GALNT5: variants seen among roughly 807,000 people sequenced by gnomAD.
The protein encoded by GALNT5 is UDP-GalNAc:polypeptide N-acetylgalactosaminyltransferase 5.
GALNT5 carries 72 observed loss-of-function variants against 85.4 expected under a neutral mutation model. The observed-to-expected ratio is 0.84, with a 90% confidence interval of 0.70 to 1.03. The LOEUF (loss-of-function observed/expected upper bound fraction) is 1.03, where lower values mean the gene tolerates loss of function less well. Among genes scored for constraint, GALNT5 ranks in the 50% least tolerant of loss-of-function variants. The pLI, the probability that GALNT5 is intolerant of heterozygous loss-of-function variation, is 0.00. For missense variants in GALNT5, 1,137 were observed against 1,135.5 expected (o/e 1.00, Z -0.02); for synonymous variants, 404 against 397.0 (o/e 1.02, Z -0.21).
Position 157,300,702 on chromosome 2 carries a change from G to A in GALNT5, c.2142G>A (p.Glu714=). ...TGTGGATGTGTGGTGGTGAAATTGA[G>A]ATCATTCCCTGCTCCCGAGTGGGCC... The part of the protein sequence containing the change: ...FKVWMCGGEI[E]IIPCSRVGHI... Residue 714 remains glutamate, a synonymous_variant, in exon 7 of 10, where the codon GAG becomes GAA. Coordinates refer to ENST00000259056, the MANE Select transcript of GALNT5 (RefSeq NM_014568.3). 2 of 1,613,302 alleles carry A rather than the reference G, an allele frequency of 1.2e-6. No individual in the cohort carries two copies. The highest frequency in any genetic ancestry group is 1.7e-6 in the Non-Finnish European group (2 of 1,179,386).
At position 157,259,191 on chromosome 2, in the gene GALNT5, C is replaced by A. The variant is rs1272470084; in HGVS notation, c.1109C>A (p.Ser370Ter). 1.9e-6 allele frequency: 3 copies of A among 1,552,942 alleles called. No homozygotes were observed. Among genetic ancestry groups the A allele is most frequent in the Non-Finnish European group, 2.6e-6 (3 of 1,154,226 alleles). Residue 370 changes from serine (S) to a stop codon, truncating the protein, a stop_gained, in exon 1 of 10, where the codon TCA becomes TAA. Coordinates refer to ENST00000259056, the MANE Select transcript of GALNT5 (RefSeq NM_014568.3). LOFTEE classifies it high-confidence loss of function. ...AATAGAAGTGAGATGTCTTCCTCTT[C>A]ACTTGCTCCACATAGAGTGCCACTG... ...SRNRSEMSSS[S>*]LAPHRVPLSQ...
rs755992262 is a variant in GALNT5, at chr2:157,286,064, T to G, written c.1671T>G (p.Val557=). The G allele has an allele frequency of 1.2e-6, 2 of 1,609,352 alleles. No homozygotes were observed. The highest frequency in any genetic ancestry group is 3.3e-5 in the Admixed American group (2 of 60,030). Residue 557 remains valine (V), a synonymous_variant, in exon 3 of 10, where the codon GTT becomes GTG. Transcript: ENST00000259056. ...LDKYMSQFPK[V]RILRLKERHG... ...AATACATGTCCCAGTTTCCAAAAGTTCGGATTCTTCGCCTCAAAGAGAGAC... is the reference window on the plus strand; with the variant it reads ...AATACATGTCCCAGTTTCCAAAAGTGCGGATTCTTCGCCTCAAAGAGAGAC...
Position 157,257,861 on chromosome 2 carries a change from GC to G in GALNT5, c.-221del. ...TCAGAACTTAGCCAGGGCCAGCCAA[GC>G]AGGCACAGATGCTCTGCTATGAAAT... is the stretch of plus-strand genomic sequence containing the variant. On this transcript the variant is annotated 5_prime_UTR_variant, in exon 1 of 10. Transcript: ENST00000259056. 1.7e-6 allele frequency: 1 copy of G among 573,282 alleles called. No individual in the cohort carries two copies. Among genetic ancestry groups the G allele is most frequent in the Non-Finnish European group, 3.1e-6 (1 of 321,108 alleles). The allele number at this position is 573,282 out of a possible 1,614,324, so 35.5% of individuals were successfully genotyped here.
At chr2:157,285,849 C>A (rs1278904550) in intron 2 of GALNT5, among the ~76,000 whole-genome samples, 166 bp from the exon 3 acceptor site, 2 of 152,096 alleles carry the variant, frequency 1.3e-5, no homozygotes, top group Non-Finnish European at 2.9e-5. Context: ...CAGATAGAAT[C>A]CTTCCAAGAA....
In GALNT5 at chr2:157,315,440, A is replaced by T. The variant is rs116212877; in HGVS notation, c.*4092A>T. ...CTATATAATTAATTTTCTTCTTTAC[A>T]AAGGGCTGTCATCTCAGGTGGGTGC... On this transcript the variant is annotated 3_prime_UTR_variant, in exon 10 of 10. Coordinates refer to ENST00000259056, the MANE Select transcript of GALNT5 (RefSeq NM_014568.3). 6.4e-3 allele frequency among the ~76,000 whole-genome samples: 974 copies of T among 152,320 alleles called. 16 individuals are homozygous for T. Among genetic ancestry groups the T allele is most frequent in the African/African-American group, 0.022 (901 of 41,570 alleles).
At chr2:157,284,190 G>T in intron 1 of GALNT5, 92 bp from the exon 2 acceptor site, 1 of 905,148 alleles carries the variant, frequency 1.1e-6, no homozygotes. Flanking sequence ...AAGTGTGTGT[G>T]TATATGCACA....
intron 9 of GALNT5, among the ~76,000 whole-genome samples, chr2:157,310,893 A>C (rs540802005): frequency 1.3e-5 from 2 of 152,302 alleles, no homozygotes; most frequent in Admixed American, 6.5e-5. Flanking sequence ...ATCATCTATC[A>C]AATCCAATAA....
intron 7 of GALNT5, among the ~76,000 whole-genome samples, chr2:157,305,322 T>A (rs962117296): frequency 6.6e-6 from 1 of 152,184 alleles, no homozygotes; most frequent in African/African-American, 2.4e-5. Flanking sequence ...TTATCTATGA[T>A]TCAGTGCTTA....
chr2:157,294,812 ACACACAC>A (rs1683177552), intron 3 of GALNT5, among the ~76,000 whole-genome samples: 1 of 144,618 alleles, frequency 6.9e-6, no homozygotes, highest in South Asian at 2.1e-4. Context: ...ACACACACAC[ACACACAC>A]ACACTTCACT....
rs1173481983 is a variant in GALNT5 at position 157,314,945 on chromosome 2, G to T, written c.*3597G>T. On this transcript the variant is annotated 3_prime_UTR_variant, in exon 10 of 10. Coordinates refer to ENST00000259056, the MANE Select transcript of GALNT5 (RefSeq NM_014568.3). ...ATACAAAAATTAGCTGGGCATGGTG[G>T]TGGGCGCCTGTAATCCCAGCTACCT... 1.3e-5 allele frequency among the ~76,000 whole-genome samples: 2 copies of T among 152,086 alleles called. No homozygotes were observed. Among genetic ancestry groups the T allele is most frequent in the African/African-American group, 2.4e-5 (1 of 41,400 alleles).
At chr2:157,290,112 T>TATATATATATACAC (rs1416458086) in intron 3 of GALNT5, among the ~76,000 whole-genome samples, 2 of 138,234 alleles carry the variant, frequency 1.4e-5, no homozygotes, top group African/African-American at 6.2e-5. Flanking sequence ...TATATATATA[T>TATATATATATACAC]ACATACACAA....
At chr2:157,303,882 G>T (rs2105166178) in intron 7 of GALNT5, among the ~76,000 whole-genome samples, 1 of 152,284 alleles carries the variant, frequency 6.6e-6, no homozygotes, top group East Asian at 1.9e-4. Flanking sequence ...TGTTACTTGT[G>T]CTGTCTCAGG....
chr2:157,314,076 T>G lies in GALNT5; in HGVS notation c.*2728T>G, dbSNP rs1683641985. The G allele has an allele frequency of 1.3e-5, 2 of 152,124 alleles. No homozygotes were observed. 9.4% of individuals were successfully genotyped at this position (152,124 alleles called of 1,614,324 possible). ...ATTAGAATAAAGGTATACATGCTAC[T>G]CGGTCTTCTGGTAATTCTAGTGATA... is the stretch of plus-strand genomic sequence containing the variant. On this transcript the variant is annotated 3_prime_UTR_variant, in exon 10 of 10. Coordinates refer to ENST00000259056, the MANE Select transcript of GALNT5 (RefSeq NM_014568.3).
At position 157,258,107 on chromosome 2, in the gene GALNT5, C is replaced by G. The variant is rs754872390; in HGVS notation, c.25C>G (p.Arg9Gly). The G allele has an allele frequency of 4.3e-6, 7 of 1,613,772 alleles. No individual in the cohort carries two copies. The highest frequency in any genetic ancestry group is 5.1e-6 in the Non-Finnish European group (6 of 1,179,992). Residue 9 changes from arginine to glycine, a missense_variant, in exon 1 of 10, where the codon CGA (arginine) becomes GGA (glycine). By Grantham distance (125) the Arg-to-Gly change is moderately radical. Coordinates refer to ENST00000259056, the MANE Select transcript of GALNT5 (RefSeq NM_014568.3). MNRIRKFF[R>G]GSGRVLAFIF... is the part of the protein sequence containing the mutation. ...CATGAACAGGATCCGAAAGTTTTTC[C>G]GAGGAAGTGGGCGAGTCTTGGCATT...
rs1422384883 is a variant in GALNT5 at position 157,317,196 on chromosome 2, A to AT, written c.*5849dup. On this transcript the variant is annotated 3_prime_UTR_variant, in exon 10 of 10. Coordinates refer to ENST00000259056, the MANE Select transcript of GALNT5 (RefSeq NM_014568.3). ...TGTGTATATATATATATATATATAT[A>AT]TATTTTTTTTTTTGATGCTTTGATC... 2.6e-3 allele frequency among the ~76,000 whole-genome samples: 351 copies of AT among 132,546 alleles called. 1 individual carries two copies. The highest frequency in any genetic ancestry group is 7.5e-3 in the Middle Eastern group (2 of 268). 87.0% of individuals were successfully genotyped at this position (132,546 alleles called of 152,430 possible).
At chr2:157,282,223 A>AT (rs201069982) in intron 1 of GALNT5, among the ~76,000 whole-genome samples, 111 of 151,912 alleles carry the variant, frequency 7.3e-4, no homozygotes, top group African/African-American at 2.3e-3. Context: ...TCAGCTGTCA[A>AT]TTTATTTTTT....
At chr2:157,280,617 G>A (rs1682835169) in intron 1 of GALNT5, among the ~76,000 whole-genome samples, 1 of 152,224 alleles carries the variant, frequency 6.6e-6, no homozygotes, top group African/African-American at 2.4e-5. Flanking sequence ...GTGAGGTGCT[G>A]CTATAACAAG....
At chr2:157,268,595 GC>G (rs1407251078) in intron 1 of GALNT5, among the ~76,000 whole-genome samples, 1 of 152,158 alleles carries the variant, frequency 6.6e-6, no homozygotes, top group Non-Finnish European at 1.5e-5. Flanking sequence ...TAACTGACTT[GC>G]CCATGGCCAT....
rs527786455 is a variant in GALNT5 at position 157,274,639 on chromosome 2, G to A, written c.1455-9643G>A. 9.9e-4 allele frequency among the ~76,000 whole-genome samples: 147 copies of A among 148,864 alleles called. 1 individual carries two copies. The highest frequency in any genetic ancestry group is 3.4e-3 in the African/African-American group (129 of 38,318). On this transcript the variant is annotated intron_variant, in intron 1 of 9. Coordinates refer to ENST00000259056, the MANE Select transcript of GALNT5 (RefSeq NM_014568.3). ...GCATAAATGTCTTCTTTTGAGAAGCGTCTGTTGATATTCTTTGCCCACTTT... is the reference window on the plus strand; with the variant it reads ...GCATAAATGTCTTCTTTTGAGAAGCATCTGTTGATATTCTTTGCCCACTTT...
Sources: gnomAD v4.1 joint callset for allele counts (sites outside exome capture counted in the v4.1 genomes callset) on GRCh38, gnomAD v4.1.1 for gene constraint, MANE v1.5 for transcripts, NCBI Gene and HGNC (gene_info 2026-07-23, HGNC 2026-07-21) for gene names.